Variants in PMFBP1 observed in about 807,000 individuals in gnomAD.
PMFBP1 encodes polyamine modulated factor 1 binding protein 1.
Under a neutral mutation model 137.8 loss-of-function variants are expected in PMFBP1, and 131 were observed. That is an observed-to-expected ratio of 0.95 (90% CI 0.82 to 1.10). The LOEUF (loss-of-function observed/expected upper bound fraction) is 1.10, where lower values mean the gene tolerates loss of function less well. PMFBP1 is among the 50% of genes least tolerant of loss of function. PMFBP1 has a pLI of 0.00. For synonymous variants in PMFBP1, 490 were observed against 450.4 expected, an observed-to-expected ratio of 1.09 and a Z score of -1.11; for missense variants, 1,199 against 1,175.4, an observed-to-expected ratio of 1.02 and a Z score of -0.29.
the PMFBP1 span, among the ~76,000 whole-genome samples, chr16:72,216,741 A>C: frequency 6.6e-6 from 1 of 152,208 alleles, no homozygotes; most frequent in Non-Finnish European, 1.5e-5. Flanking sequence ...TAAATGACAA[A>C]GGCCCAGAGA....
rs1481524984 is a variant in PMFBP1, at chr16:72,136,826, G to A, written c.919-7C>T. 4 of 1,613,974 alleles carry A rather than the reference G, an allele frequency of 2.5e-6. No homozygotes were observed. The highest frequency in any genetic ancestry group is 3.3e-5 in the Admixed American group (2 of 60,000). On this transcript the variant is annotated splice_region_variant and splice_polypyrimidine_tract_variant and intron_variant, in intron 7 of 20. Transcript: ENST00000237353. Reference sequence around the variant, plus strand: ...CCTGCAAGTGCTTCAGTATCTGGCAGATGGAAGAACAGGGCAGGATGAGGA... The same window carrying A: ...CCTGCAAGTGCTTCAGTATCTGGCAAATGGAAGAACAGGGCAGGATGAGGA...
At chr16:72,165,196 A>T (rs576037880) in intron 2 of PMFBP1, among the ~76,000 whole-genome samples, 30 of 152,342 alleles carry the variant, frequency 2.0e-4, no homozygotes, top group Admixed American at 5.9e-4. Flanking sequence ...AGAGGAAGTC[A>T]GTGTCTAGAA....
chr16:72,245,820 T>C, the PMFBP1 span, among the ~76,000 whole-genome samples: 1 of 152,170 alleles, frequency 6.6e-6, no homozygotes, highest in African/African-American at 2.4e-5. Flanking sequence ...CTCCAACCAT[T>C]TCCTTGAACT....
At chr16:72,227,342 C>T in the PMFBP1 span, among the ~76,000 whole-genome samples, 26 of 152,288 alleles carry the variant, frequency 1.7e-4, 1 homozygote, top group South Asian at 1.7e-3. Context: ...GACAGCAATT[C>T]ACCTTGAATC....
rs2042567205 is a variant in PMFBP1, at chr16:72,132,739, G to C, written c.1447+9C>G. On this transcript the variant is annotated intron_variant, in intron 10 of 20. Transcript: ENST00000237353. ...AAGTGTGGTGGGACAGCACCTGCAGGGGCCTCACCAGCCAGCCTCTCCTGC... is the reference window on the plus strand; with the variant it reads ...AAGTGTGGTGGGACAGCACCTGCAGCGGCCTCACCAGCCAGCCTCTCCTGC... The C allele has an allele frequency of 6.2e-7, 1 of 1,614,114 alleles. No individual in the cohort carries two copies. The highest frequency in any genetic ancestry group is 2.2e-5 in the East Asian group (1 of 44,888).
chr16:72,152,657 C>G (rs1258748718), intron 4 of PMFBP1, among the ~76,000 whole-genome samples: 1 of 151,892 alleles, frequency 6.6e-6, no homozygotes, highest in Non-Finnish European at 1.5e-5. Context: ...CCAGCCTGGC[C>G]AACATGGTGA....
At chr16:72,201,941 G>T in the PMFBP1 span, among the ~76,000 whole-genome samples, 1 of 152,164 alleles carries the variant, frequency 6.6e-6, no homozygotes, top group Non-Finnish European at 1.5e-5. Flanking sequence ...CCAAACTGAA[G>T]TAACTGTCCC....
At chr16:72,176,512 G>A (rs895441401), upstream of PMFBP1, among the ~76,000 whole-genome samples, 9 of 152,192 alleles carry the variant, frequency 5.9e-5, no homozygotes, top group Admixed American at 5.2e-4. Flanking sequence ...ATAAAATGGA[G>A]TATTGTGGGG....
chr16:72,135,860 T>C (rs1567626527), intron 9 of PMFBP1, among the ~76,000 whole-genome samples: 1 of 147,460 alleles, frequency 6.8e-6, no homozygotes, highest in Non-Finnish European at 1.5e-5. Flanking sequence ...GCTCATGTGA[T>C]CCTGTGACTT....
chr16:72,202,201 C>G, the PMFBP1 span, among the ~76,000 whole-genome samples: 5 of 152,174 alleles, frequency 3.3e-5, no homozygotes, highest in Non-Finnish European at 7.4e-5. Flanking sequence ...GGTTTAGACA[C>G]TCCTCAGTGT....
the PMFBP1 span, among the ~76,000 whole-genome samples, chr16:72,199,705 G>GA: frequency 1.0e-3 from 143 of 138,238 alleles, no homozygotes; most frequent in Middle Eastern, 3.7e-3. Context: ...GGGCTTTTCA[G>GA]AAAAAAAAAA....
intron 5 of PMFBP1, among the ~76,000 whole-genome samples, chr16:72,145,129 A>G (rs1189043658): frequency 6.6e-6 from 1 of 152,210 alleles, no homozygotes; most frequent in Non-Finnish European, 1.5e-5. Flanking sequence ...ACATAATTGG[A>G]AGTAAAACAC....
At chr16:72,159,443 T>C (rs55673524) in intron 3 of PMFBP1, among the ~76,000 whole-genome samples, 2,170 of 152,350 alleles carry the variant, frequency 0.014, 18 homozygotes, top group Non-Finnish European at 0.024. Flanking sequence ...GCTAGCCAGA[T>C]GATGAGATTT....
chr16:72,185,164 T>C, the PMFBP1 span, among the ~76,000 whole-genome samples: 18 of 152,004 alleles, frequency 1.2e-4, no homozygotes, highest in African/African-American at 3.9e-4. Flanking sequence ...GCTGGGATTA[T>C]GGCTGTGCAC....
the PMFBP1 span, among the ~76,000 whole-genome samples, chr16:72,232,174 A>C: frequency 6.6e-6 from 1 of 152,226 alleles, no homozygotes; most frequent in Admixed American, 6.5e-5. Flanking sequence ...ATCAACTATA[A>C]AGAATGTCCC....
intron 3 of PMFBP1, among the ~76,000 whole-genome samples, chr16:72,157,820 C>T (rs1261574402): frequency 6.6e-6 from 1 of 152,022 alleles, no homozygotes; most frequent in Admixed American, 6.6e-5. Flanking sequence ...CGGCGTGGAC[C>T]AAGATGGTAG....
At chr16:72,129,405 T>A (rs2042514470) in intron 12 of PMFBP1, among the ~76,000 whole-genome samples, 172 bp from the exon 13 acceptor site, 1 of 152,248 alleles carries the variant, frequency 6.6e-6, no homozygotes, top group Non-Finnish European at 1.5e-5. Flanking sequence ...CATTTTTTCT[T>A]TGTTCAGTCA....
At chr16:72,155,724 T>C (rs1018450390) in intron 3 of PMFBP1, among the ~76,000 whole-genome samples, 21 of 152,246 alleles carry the variant, frequency 1.4e-4, no homozygotes, top group African/African-American at 4.3e-4. Flanking sequence ...TTGCATATCA[T>C]GAAATGCAAC....
At chr16:72,128,086 C>T (rs2042488863) in intron 14 of PMFBP1, among the ~76,000 whole-genome samples, 1 of 152,206 alleles carries the variant, frequency 6.6e-6, no homozygotes, top group East Asian at 1.9e-4. Context: ...TTGATTCCAT[C>T]ACTTGCTGGT....
Sources: gnomAD v4.1 joint callset for allele counts (sites outside exome capture counted in the v4.1 genomes callset) on GRCh38, gnomAD v4.1.1 for gene constraint, MANE v1.5 for transcripts, NCBI Gene and HGNC (gene_info 2026-07-23, HGNC 2026-07-21) for gene names.